The following GRM3 variants were observed in gnomAD, a reference collection of about 807,000 sequenced individuals.
The protein encoded by GRM3 is metabotropic glutamate receptor 3.
A neutral mutation model predicts 70.5 loss-of-function variants in GRM3; 26 were observed. The ratio of observed to expected loss-of-function variants is 0.37; its 90% CI spans 0.27 to 0.51. The LOEUF is 0.51. Ranked by LOEUF, GRM3 falls within the 20% of genes least tolerant of loss-of-function variation. The pLI is 0.93. For synonymous variants in GRM3, 443 were observed against 434.9 expected (o/e 1.02, Z -0.23); for missense variants, 859 against 1,123.8 (o/e 0.76, Z 3.37).
intron 1 of GRM3, among the ~76,000 whole-genome samples, chr7:86,735,422 T>C (rs1795836282): frequency 6.6e-6 from 1 of 152,230 alleles, no homozygotes; most frequent in South Asian, 2.1e-4. Flanking sequence ...ACCAATTGAC[T>C]GTGACTTCTA....
chr7:86,827,838 T>C (rs1264286112), intron 3 of GRM3, among the ~76,000 whole-genome samples: 2 of 151,732 alleles, frequency 1.3e-5, no homozygotes, highest in Non-Finnish European at 1.5e-5. Flanking sequence ...TCCAGGCCGG[T>C]GCGGTGGCTC....
chr7:86,681,535 GCT>G (rs1314898173), intron 1 of GRM3, among the ~76,000 whole-genome samples: 4 of 152,018 alleles, frequency 2.6e-5, no homozygotes, highest in Admixed American at 6.6e-5. Flanking sequence ...TTCATCAATG[GCT>G]CTGTTTTTTA....
chr7:86,720,462 G>A (rs948660781), intron 1 of GRM3, among the ~76,000 whole-genome samples: 8 of 151,972 alleles, frequency 5.3e-5, no homozygotes, highest in African/African-American at 1.9e-4. Context: ...TCATGGGAGT[G>A]GATAAGAGTG....
At chr7:86,668,893 G>A (rs537710949) in intron 1 of GRM3, among the ~76,000 whole-genome samples, 5 of 152,108 alleles carry the variant, frequency 3.3e-5, no homozygotes, top group African/African-American at 4.8e-5. Flanking sequence ...TCCCTTGAGC[G>A]TGAAATTTAC....
chr7:86,779,714 C>T (rs1796994033), intron 2 of GRM3, among the ~76,000 whole-genome samples: 1 of 152,136 alleles, frequency 6.6e-6, no homozygotes, highest in Non-Finnish European at 1.5e-5. Context: ...GGCATTAGAA[C>T]GGTTCCTTAG....
chr7:86,698,953 C>T (rs139645384), intron 1 of GRM3, among the ~76,000 whole-genome samples: 1,552 of 152,064 alleles, frequency 0.01, 25 homozygotes, highest in African/African-American at 0.035. Context: ...GTTTTGCACA[C>T]GTATTGATGC....
intron 3 of GRM3, among the ~76,000 whole-genome samples, chr7:86,829,834 A>G (rs969403065): frequency 6.9e-4 from 105 of 152,252 alleles, no homozygotes; most frequent in African/African-American, 2.4e-3. Flanking sequence ...ACACAGACAC[A>G]TGAAGTGAGA....
chr7:86,679,766 G>A (rs1490951882), intron 1 of GRM3, among the ~76,000 whole-genome samples: 2 of 151,776 alleles, frequency 1.3e-5, no homozygotes, highest in African/African-American at 4.8e-5. Context: ...ATACTTTATT[G>A]GGTCATTATT....
At chr7:86,858,949 T>C (rs1370450793) in intron 5 of GRM3, among the ~76,000 whole-genome samples, 1 of 152,168 alleles carries the variant, frequency 6.6e-6, no homozygotes, top group Non-Finnish European at 1.5e-5. Context: ...TCACTGAGAA[T>C]TCAGTCTATG....
intron 3 of GRM3, among the ~76,000 whole-genome samples, chr7:86,834,187 A>G (rs1276283834): frequency 6.6e-6 from 1 of 152,208 alleles, no homozygotes; most frequent in African/African-American, 2.4e-5. Context: ...CTTATAAGAA[A>G]TCAGAAAAGT....
rs532334026 is a variant in GRM3, at chr7:86,727,625, C to T, written c.-140-37381C>T. Among the ~76,000 whole-genome samples the T allele has an allele frequency of 1.3e-5, 2 of 152,188 alleles. 1 individual carries two copies. The highest frequency in any genetic ancestry group is 4.1e-4 in the South Asian group (2 of 4,824). On this transcript the variant is annotated intron_variant, in intron 1 of 5. Coordinates refer to ENST00000361669, the MANE Select transcript of GRM3 (RefSeq NM_000840.3). Reference sequence around the variant, plus strand: ...AATGCTTGACAGATTATAGCACTGACCAAGCAGATGTTTAATATATGAATG... The same window carrying T: ...AATGCTTGACAGATTATAGCACTGATCAAGCAGATGTTTAATATATGAATG...
chr7:86,697,749 C>T (rs531707855), intron 1 of GRM3, among the ~76,000 whole-genome samples: 5 of 151,940 alleles, frequency 3.3e-5, no homozygotes, highest in African/African-American at 7.3e-5. Flanking sequence ...AGACTATTTA[C>T]GGTGTATTAC....
At chr7:86,798,242 C>A (rs549879184) in intron 3 of GRM3, among the ~76,000 whole-genome samples, 2 of 152,224 alleles carry the variant, frequency 1.3e-5, no homozygotes, top group East Asian at 3.9e-4. Flanking sequence ...GTAGATCTAC[C>A]TACAGCTTGC....
At chr7:86,686,728 T>C (rs1305086165) in intron 1 of GRM3, among the ~76,000 whole-genome samples, 1 of 152,074 alleles carries the variant, frequency 6.6e-6, no homozygotes, top group East Asian at 1.9e-4. Flanking sequence ...ATATGCACAT[T>C]GATTCAAAAC....
intron 3 of GRM3, among the ~76,000 whole-genome samples, chr7:86,807,626 C>G (rs1797822877): frequency 6.6e-6 from 1 of 152,106 alleles, no homozygotes; most frequent in Non-Finnish European, 1.5e-5. Flanking sequence ...AGTTGCTTAT[C>G]AGCTTAAGGG....
chr7:86,683,643 T>C (rs1255155307), intron 1 of GRM3, among the ~76,000 whole-genome samples: 3 of 152,056 alleles, frequency 2.0e-5, no homozygotes, highest in Non-Finnish European at 4.4e-5. Flanking sequence ...GGAAATGAGA[T>C]CTTGAAAAGC....
chr7:86,848,152 T>C (rs1261225112), intron 4 of GRM3, among the ~76,000 whole-genome samples: 2 of 152,188 alleles, frequency 1.3e-5, no homozygotes. Context: ...TAACATAAGG[T>C]ACTACCATCA....
intron 1 of GRM3, among the ~76,000 whole-genome samples, chr7:86,740,072 C>G (rs1425091819): frequency 6.6e-6 from 1 of 152,002 alleles, no homozygotes; most frequent in Non-Finnish European, 1.5e-5. Flanking sequence ...CAACAAAATG[C>G]CCAAAGCAAT....
Position 86,726,744 on chromosome 7 carries a change from C to T in GRM3, c.-140-38262C>T, listed in dbSNP as rs540708399. Among the ~76,000 whole-genome samples the T allele has an allele frequency of 9.2e-5, 14 of 152,296 alleles. 1 individual carries two copies. The highest frequency in any genetic ancestry group is 3.4e-4 in the African/African-American group (14 of 41,572). ...AGCACTAAGAACTTCTTTAAAGTCCCATTAACTTCGCATTCACTGTTCAGC... is the reference window on the plus strand; with the variant it reads ...AGCACTAAGAACTTCTTTAAAGTCCTATTAACTTCGCATTCACTGTTCAGC... On this transcript the variant is annotated intron_variant, in intron 1 of 5. Coordinates refer to ENST00000361669, the MANE Select transcript of GRM3 (RefSeq NM_000840.3).
Sources: gnomAD v4.1 joint callset for allele counts (sites outside exome capture counted in the v4.1 genomes callset) on GRCh38, gnomAD v4.1.1 for gene constraint, MANE v1.5 for transcripts, NCBI Gene and HGNC (gene_info 2026-07-23, HGNC 2026-07-21) for gene names.